Variants in WDR41 observed in about 807,000 individuals in gnomAD.
WDR41 encodes WD repeat-containing protein 41.
WDR41 carries 63 observed loss-of-function variants against 69.3 expected under a neutral mutation model. That is an observed-to-expected ratio of 0.91 (90% CI 0.74 to 1.12). The LOEUF (loss-of-function observed/expected upper bound fraction) is 1.12, where lower values mean the gene tolerates loss of function less well. WDR41 is among the 50% of genes most tolerant of loss of function. The pLI, the probability that WDR41 is intolerant of heterozygous loss-of-function variation, is 0.00. For synonymous variants in WDR41, 185 were observed against 192.1 expected (o/e 0.96, Z 0.31); for missense variants, 543 against 534.5 (o/e 1.02, Z -0.16).
At chr5:77,447,946 AAAC>A (rs1428184533) in intron 8 of WDR41, among the ~76,000 whole-genome samples, 1 of 152,240 alleles carries the variant, frequency 6.6e-6, no homozygotes, top group Non-Finnish European at 1.5e-5. Context: ...TAACTTTCAT[AAAC>A]AACTTTTTTC....
chr5:77,600,416 T>C (rs1186971420), intron 1 of WDR41, among the ~76,000 whole-genome samples: 2 of 152,100 alleles, frequency 1.3e-5, no homozygotes, highest in African/African-American at 2.4e-5. Context: ...AAACAATAAA[T>C]AGACCAGGGG....
chr5:77,494,270 A>G (rs1801905728), upstream of WDR41, among the ~76,000 whole-genome samples: 1 of 152,174 alleles, frequency 6.6e-6, no homozygotes, highest in Non-Finnish European at 1.5e-5. Context: ...CAAAAAAACT[A>G]TAAGGCATAT....
chr5:77,463,569 C>A (rs1258591372), intron 3 of WDR41, among the ~76,000 whole-genome samples: 1 of 151,870 alleles, frequency 6.6e-6, no homozygotes, highest in African/African-American at 2.4e-5. Context: ...CCTCATTGTC[C>A]AAGTATTTGT....
Position 77,492,223 on chromosome 5 carries a change from G to A in WDR41, c.-3C>T, listed in dbSNP as rs781128706. The A allele has an allele frequency of 2.5e-6, 4 of 1,612,522 alleles. No individual in the cohort carries two copies. Among genetic ancestry groups the A allele is most frequent in the East Asian group, 2.2e-5 (1 of 44,826 alleles). On this transcript the variant is annotated 5_prime_UTR_variant, in exon 1 of 13. Coordinates refer to ENST00000296679, the MANE Select transcript of WDR41 (RefSeq NM_018268.4). ...CCCCCGATCAGCCATCGCAACATCC[G>A]GGCAGCGGCGGCGTCTTGCCCGGTC...
upstream of WDR41, among the ~76,000 whole-genome samples, chr5:77,494,730 C>T (rs577970036): frequency 1.3e-5 from 2 of 152,134 alleles, no homozygotes; most frequent in East Asian, 3.9e-4. Context: ...TTCATCTGTC[C>T]ACTTTCAATA....
chr5:77,527,143 A>G (rs1464610369), intron 1 of WDR41, among the ~76,000 whole-genome samples: 1 of 152,010 alleles, frequency 6.6e-6, no homozygotes, highest in Non-Finnish European at 1.5e-5. Context: ...AAGCAGAAAT[A>G]CCAGTAATTG....
chr5:77,614,286 C>T (rs1481558765), intron 1 of WDR41, among the ~76,000 whole-genome samples: 2 of 151,346 alleles, frequency 1.3e-5, no homozygotes, highest in African/African-American at 2.4e-5. Flanking sequence ...CCCAGCCATC[C>T]CATTACTGGG....
At chr5:77,573,686 G>A (rs548654866) in intron 1 of WDR41, among the ~76,000 whole-genome samples, 1 of 152,108 alleles carries the variant, frequency 6.6e-6, no homozygotes, top group Non-Finnish European at 1.5e-5. Flanking sequence ...TTTATAGAAA[G>A]GGGGAGAGAT....
At chr5:77,556,841 G>A (rs1472928217) in intron 1 of WDR41, among the ~76,000 whole-genome samples, 1 of 152,148 alleles carries the variant, frequency 6.6e-6, no homozygotes, top group East Asian at 1.9e-4. Context: ...CTTGAGGGAG[G>A]GAGAGAAAAG....
chr5:77,471,399 C>T (rs563710701), intron 2 of WDR41, among the ~76,000 whole-genome samples: 49 of 152,014 alleles, frequency 3.2e-4, no homozygotes, highest in African/African-American at 9.2e-4. Flanking sequence ...ATTCGAAAGC[C>T]AGCAGAAGGC....
chr5:77,492,473 G>A (rs1043475167), upstream of WDR41: 12 of 430,754 alleles, frequency 2.8e-5, no homozygotes, highest in African/African-American at 6.2e-5. Flanking sequence ...GGCGGGGGCG[G>A]CTGCGGCGAT....
intron 1 of WDR41, among the ~76,000 whole-genome samples, chr5:77,577,613 T>G (rs1256491205): frequency 6.6e-6 from 1 of 152,120 alleles, no homozygotes. Context: ...ACTGAGAAAT[T>G]TTACTGCTAG....
At chr5:77,529,816 A>G (rs1802500917) in intron 1 of WDR41, among the ~76,000 whole-genome samples, 1 of 151,682 alleles carries the variant, frequency 6.6e-6, no homozygotes, top group African/African-American at 2.4e-5. Flanking sequence ...TTGTATATTC[A>G]TATGGAAAAA....
intron 1 of WDR41, among the ~76,000 whole-genome samples, chr5:77,586,586 C>T (rs563363449): frequency 6.6e-6 from 1 of 151,954 alleles, no homozygotes; most frequent in South Asian, 2.1e-4. Context: ...GATTTACAGG[C>T]ATGAGCTACC....
At chr5:77,573,135 C>T (rs138243900) in intron 1 of WDR41, among the ~76,000 whole-genome samples, 118 of 152,268 alleles carry the variant, frequency 7.7e-4, no homozygotes, top group Non-Finnish European at 1.5e-3. Flanking sequence ...TCTGTTTTCA[C>T]TACTTTTGCC....
At chr5:77,562,485 G>A (rs1033991416) in intron 1 of WDR41, among the ~76,000 whole-genome samples, 8 of 152,156 alleles carry the variant, frequency 5.3e-5, no homozygotes, top group Non-Finnish European at 1.2e-4. Flanking sequence ...TCTTCATTTG[G>A]TGGCAGGGAA....
At chr5:77,524,661 G>A (rs1802420270) in intron 1 of WDR41, among the ~76,000 whole-genome samples, 2 of 151,894 alleles carry the variant, frequency 1.3e-5, no homozygotes, top group South Asian at 4.2e-4. Flanking sequence ...CTGTCTCAAA[G>A]GTTCCATTTT....
chr5:77,437,485 T>C (rs1356370778), intron 10 of WDR41, 61 bp from the exon 11 acceptor site: 4 of 1,440,862 alleles, frequency 2.8e-6, no homozygotes, highest in African/African-American at 2.8e-5. Context: ...AATGCTAAAT[T>C]TGCAGTGAAA....
chr5:77,461,300 T>G (rs1464775279), intron 4 of WDR41, among the ~76,000 whole-genome samples: 2 of 152,178 alleles, frequency 1.3e-5, no homozygotes, highest in African/African-American at 4.8e-5. Context: ...CATATATGTG[T>G]GTATGTATAT....
Sources: allele counts gnomAD v4.1 joint callset (sites outside exome capture counted in the v4.1 genomes callset), GRCh38; gene constraint gnomAD v4.1.1; transcripts MANE v1.5; gene names NCBI Gene and HGNC (gene_info 2026-07-23, HGNC 2026-07-21).